SLC12A4: variants seen among roughly 807,000 people sequenced by gnomAD.
The protein encoded by SLC12A4 is electroneutral potassium-chloride cotransporter 1.
Under a neutral mutation model 119.2 loss-of-function variants are expected in SLC12A4, and 84 were observed. The ratio of observed to expected loss-of-function variants is 0.70; its 90% CI spans 0.59 to 0.85. The LOEUF is 0.85. SLC12A4 is among the 40% of genes least tolerant of loss of function. SLC12A4 has a pLI of 0.00. For synonymous variants in SLC12A4, 599 were observed against 604.6 expected, an observed-to-expected ratio of 0.99 and a Z score of 0.14; for missense variants, 1,298 against 1,476.3, an observed-to-expected ratio of 0.88 and a Z score of 1.98.
At chr16:67,967,232 A>T (rs2030905623) in intron 1 of SLC12A4, among the ~76,000 whole-genome samples, 1 of 152,208 alleles carries the variant, frequency 6.6e-6, no homozygotes, top group African/African-American at 2.4e-5. Context: ...CATCATTCAC[A>T]TTGGGCATGG....
At position 67,943,822 on chromosome 16, in the gene SLC12A4, C is replaced by G; in HGVS notation, c.*1018G>C. On this transcript the variant is annotated 3_prime_UTR_variant, in exon 24 of 24. Transcript: ENST00000316341. The surrounding 1 kb of genome is among the most constrained non-coding windows in gnomAD (Gnocchi z 4.6). Reference sequence around the variant, plus strand: ...ACAAGCTTTTGGCCCCTCCCCACACCAGGGCAGGTACTTATGTCGGGGCTT... The same window carrying G: ...ACAAGCTTTTGGCCCCTCCCCACACGAGGGCAGGTACTTATGTCGGGGCTT... 1 of 906,180 alleles carries G rather than the reference C, an allele frequency of 1.1e-6. No individual in the cohort carries two copies. Among genetic ancestry groups the G allele is most frequent in the South Asian group, 1.8e-5 (1 of 54,556 alleles). 56.1% of individuals were successfully genotyped at this position (906,180 alleles called of 1,614,324 possible).
Sources: gnomAD v4.1 joint callset for allele counts (sites outside exome capture counted in the v4.1 genomes callset) on GRCh38, gnomAD v4.1.1 for gene constraint, Gnocchi (gnomAD v3.1) non-coding constraint, MANE v1.5 for transcripts, NCBI Gene and HGNC (gene_info 2026-07-23, HGNC 2026-07-21) for gene names.